PPIP5K1: variants seen among roughly 807,000 people sequenced by gnomAD.
The protein encoded by PPIP5K1 is diphosphoinositol pentakisphosphate kinase 1.
PPIP5K1 carries 6 observed loss-of-function variants against 27.7 expected under a neutral mutation model. That is an observed-to-expected ratio of 0.22 (90% CI 0.12 to 0.43). The LOEUF is 0.43. PPIP5K1 is among the 20% of genes least tolerant of loss of function. PPIP5K1 has a pLI of 1.00. For missense variants in PPIP5K1, 394 were observed against 635.4 expected (o/e 0.62, Z 4.08); for synonymous variants, 145 against 242.6 (o/e 0.60, Z 3.74).
At chr15:43,535,651 G>A (rs187299262) in intron 31 of PPIP5K1, among the ~76,000 whole-genome samples, 175 bp from the exon 32 acceptor site, 1 of 152,300 alleles carries the variant, frequency 6.6e-6, no homozygotes, top group African/African-American at 2.4e-5. Context: ...CTCAGGAACT[G>A]TCACCCTGGC....
At chr15:43,541,263 T>C (rs999923536) in intron 30 of PPIP5K1, among the ~76,000 whole-genome samples, 1 of 152,018 alleles carries the variant, frequency 6.6e-6, no homozygotes, top group Admixed American at 6.6e-5. Flanking sequence ...CAGGCACATA[T>C]CACCACTCCT....
intron 30 of PPIP5K1, among the ~76,000 whole-genome samples, chr15:43,555,924 G>C (rs1029414466): frequency 5.9e-5 from 9 of 152,132 alleles, no homozygotes; most frequent in Admixed American, 5.9e-4. Context: ...TTTACTTTAA[G>C]TAATATTCTA....
chr15:43,547,171 T>A (rs2081474101), intron 30 of PPIP5K1, among the ~76,000 whole-genome samples: 1 of 152,228 alleles, frequency 6.6e-6, no homozygotes, highest in African/African-American at 2.4e-5. Context: ...CATCTTTTCA[T>A]GTGCTTCTTA....
intron 30 of PPIP5K1, among the ~76,000 whole-genome samples, chr15:43,546,143 AC>A (rs1392514229): frequency 6.6e-6 from 1 of 152,108 alleles, no homozygotes; most frequent in Non-Finnish European, 1.5e-5. Flanking sequence ...ACAATATGTG[AC>A]TTTTTGTGTT....
Position 43,552,528 on chromosome 15 carries a change from TA to T in PPIP5K1, c.3556+6266del, listed in dbSNP as rs535937209. On this transcript the variant is annotated intron_variant, in intron 30 of 31. Transcript: ENST00000420765. ...GCAACATGGTGAAACTCTGTCTCTA[TA>T]AAAAAAAAAAAAAAAAGAAAAAAAA... Among the ~76,000 whole-genome samples the T allele has an allele frequency of 2.7e-3, 184 of 69,404 alleles. 1 individual carries two copies. The highest frequency in any genetic ancestry group is 5.0e-3 in the African/African-American group (117 of 23,260). The allele number at this position is 69,404 out of a possible 152,430, so 45.5% of individuals were successfully genotyped here. A position where few individuals can be genotyped will look rare whatever the true frequency, so the allele number is the denominator to read the frequency against.
At chr15:43,559,061 G>T in intron 29 of PPIP5K1, 129 bp from the exon 30 acceptor site, 1 of 1,072,982 alleles carries the variant, frequency 9.3e-7, no homozygotes, top group Non-Finnish European at 1.4e-6. Flanking sequence ...GGGTATCCAA[G>T]ACTCTTAGGA....
At chr15:43,553,724 A>AC (rs2140959631) in intron 30 of PPIP5K1, among the ~76,000 whole-genome samples, 1 of 148,164 alleles carries the variant, frequency 6.7e-6, no homozygotes, top group Non-Finnish European at 1.5e-5. Context: ...GGCTTATTGC[A>AC]AGCTCCACCT....
chr15:43,551,606 G>GTTTTTTTTTTTTTTTTTTTTTTTT (rs1293557795), intron 30 of PPIP5K1, among the ~76,000 whole-genome samples: 1 of 105,462 alleles, frequency 9.5e-6, no homozygotes, highest in Non-Finnish European at 1.7e-5. Context: ...TCTTGATTCA[G>GTTTTTTTTTTTTTTTTTTTTTTTT]TTTTTTTTTT....
At chr15:43,543,407 A>G (rs2081009118) in intron 30 of PPIP5K1, among the ~76,000 whole-genome samples, 1 of 152,038 alleles carries the variant, frequency 6.6e-6, no homozygotes, top group African/African-American at 2.4e-5. Flanking sequence ...CTAAAACTTA[A>G]AGTATAATAA....
At chr15:43,556,245 G>A (rs747970608) in intron 30 of PPIP5K1, among the ~76,000 whole-genome samples, 2 of 152,092 alleles carry the variant, frequency 1.3e-5, no homozygotes, top group African/African-American at 2.4e-5. Context: ...ACTTGAACCT[G>A]GAAGGCAGAG....
At chr15:43,548,084 A>G (rs2081596995) in intron 30 of PPIP5K1, among the ~76,000 whole-genome samples, 1 of 151,898 alleles carries the variant, frequency 6.6e-6, no homozygotes, top group African/African-American at 2.4e-5. Flanking sequence ...GGCTACAGGC[A>G]TGCATCACCA....
chr15:43,556,921 T>G (rs563369384), intron 30 of PPIP5K1, among the ~76,000 whole-genome samples: 1 of 152,350 alleles, frequency 6.6e-6, no homozygotes, highest in African/African-American at 2.4e-5. Context: ...TCCTGGTTAC[T>G]GAAAATCTTT....
At chr15:43,557,125 T>C (rs2083064473) in intron 30 of PPIP5K1, among the ~76,000 whole-genome samples, 1 of 152,146 alleles carries the variant, frequency 6.6e-6, no homozygotes, top group African/African-American at 2.4e-5. Context: ...CAAATGCCTA[T>C]TCAATTTACC....
intron 30 of PPIP5K1, 59 bp from the exon 31 acceptor site, chr15:43,539,642 C>T: frequency 9.4e-7 from 1 of 1,064,862 alleles, no homozygotes; most frequent in Non-Finnish European, 1.4e-6. Context: ...AGGAAGAATC[C>T]AGGAGCCACA....
At chr15:43,537,778 T>C (rs2080108590) in intron 31 of PPIP5K1, among the ~76,000 whole-genome samples, 2 of 150,384 alleles carry the variant, frequency 1.3e-5, no homozygotes, top group Admixed American at 6.7e-5. Flanking sequence ...GTGGAGCCTA[T>C]TTCTGATGCA....
At chr15:43,553,305 T>G (rs982955251) in intron 30 of PPIP5K1, among the ~76,000 whole-genome samples, 1 of 152,148 alleles carries the variant, frequency 6.6e-6, no homozygotes, top group African/African-American at 2.4e-5. Context: ...TCGAGTTGGT[T>G]TGTAGTGTTC....
chr15:43,542,643 A>ATG (rs971339062), intron 30 of PPIP5K1, among the ~76,000 whole-genome samples: 2 of 134,072 alleles, frequency 1.5e-5, no homozygotes, highest in African/African-American at 2.6e-5. Flanking sequence ...TATTATATAT[A>ATG]TTCAGTGTGT....
At chr15:43,549,080 T>TATATATACACACAC (rs1489462259) in intron 30 of PPIP5K1, among the ~76,000 whole-genome samples, 20 of 113,170 alleles carry the variant, frequency 1.8e-4, no homozygotes, top group African/African-American at 5.3e-4. Flanking sequence ...TATATATATA[T>TATATATACACACAC]ACATATATAT....
In PPIP5K1 at chr15:43,558,651, C is replaced by T. The variant is rs1015420611; in HGVS notation, c.3556+144G>A. 1.1e-5 allele frequency: 13 copies of T among 1,195,114 alleles called. No homozygotes were observed. The African/African-American group carries it at 2.0e-4, about 18-fold the overall frequency. The allele number at this position is 1,195,114 out of a possible 1,614,324, so 74.0% of individuals were successfully genotyped here. A position where few individuals can be genotyped will look rare whatever the true frequency, so the allele number is the denominator to read the frequency against. ...GGATAACAGACATGAACCACTGCGCCCAGCCAGCAATTATACATTTTTAAG... is the reference window on the plus strand; with the variant it reads ...GGATAACAGACATGAACCACTGCGCTCAGCCAGCAATTATACATTTTTAAG... On this transcript the variant is annotated intron_variant, in intron 30 of 31. Transcript: ENST00000420765.
Sources: gnomAD v4.1 joint callset for allele counts (sites outside exome capture counted in the v4.1 genomes callset) on GRCh38, gnomAD v4.1.1 for gene constraint, MANE v1.5 for transcripts, NCBI Gene and HGNC (gene_info 2026-07-23, HGNC 2026-07-21) for gene names.